The following PDE4B variants were observed in gnomAD, a reference collection of about 807,000 sequenced individuals.
The protein encoded by PDE4B is phosphodiesterase 4B.
A neutral mutation model predicts 82.2 loss-of-function variants in PDE4B; 20 were observed. The ratio of observed to expected loss-of-function variants is 0.24; its 90% CI spans 0.17 to 0.35. The LOEUF (loss-of-function observed/expected upper bound fraction) is 0.35. Among genes scored for constraint, PDE4B ranks in the 10% least tolerant of loss-of-function variants. PDE4B has a pLI of 1.00. For synonymous variants in PDE4B, 320 were observed against 318.9 expected (o/e 1.00, Z -0.04); for missense variants, 655 against 907.2 (o/e 0.72, Z 3.57).
At chr1:66,042,660 G>A (rs1654451096) in intron 3 of PDE4B, 1 of 151,750 alleles carries the variant, frequency 6.6e-6, no homozygotes, top group African/African-American at 2.4e-5. Flanking sequence ...TTAAGGCAGT[G>A]TGCTGTGGTA....
intron 3 of PDE4B, among the ~76,000 whole-genome samples, chr1:66,125,998 G>A (rs1645814887): frequency 6.6e-6 from 1 of 152,102 alleles, no homozygotes; most frequent in South Asian, 2.1e-4. Context: ...TGGAGATGGG[G>A]TTTCACCATG....
chr1:66,271,247 A>G (rs1270470534), intron 7 of PDE4B, among the ~76,000 whole-genome samples: 2 of 152,242 alleles, frequency 1.3e-5, no homozygotes, highest in Non-Finnish European at 2.9e-5. Context: ...TTAATTTGCA[A>G]ATTTAGCATA....
intron 7 of PDE4B, among the ~76,000 whole-genome samples, chr1:66,308,829 T>G (rs181179517): frequency 1.3e-5 from 2 of 152,306 alleles, no homozygotes; most frequent in Non-Finnish European, 2.9e-5. Flanking sequence ...TGTGGGCAAC[T>G]TGACAGATAC....
intron 3 of PDE4B, among the ~76,000 whole-genome samples, chr1:66,171,832 A>G (rs571741989): frequency 1.3e-5 from 2 of 152,346 alleles, no homozygotes; most frequent in African/African-American, 4.8e-5. Context: ...ACTTGTATTG[A>G]GAATGAAATA....
rs138836372 is a variant in PDE4B, at chr1:66,002,411, T to G, written c.281+83576T>G. ...GTAGCACCGGTTTAAAAAAGAAAACTATTAAAATATAGTAGAGGGCTAAAG... is the reference window on the plus strand; with the variant it reads ...GTAGCACCGGTTTAAAAAAGAAAACGATTAAAATATAGTAGAGGGCTAAAG... On this transcript the variant is annotated intron_variant, in intron 3 of 16. Transcript: ENST00000341517. 1.7e-4 allele frequency among the ~76,000 whole-genome samples: 26 copies of G among 152,234 alleles called. No individual in the cohort carries two copies. The East Asian group carries it at 4.6e-3, about 27-fold the overall frequency.
chr1:66,251,925 CA>C (rs560705397), intron 4 of PDE4B, among the ~76,000 whole-genome samples: 1 of 152,220 alleles, frequency 6.6e-6, no homozygotes, highest in South Asian at 2.1e-4. Flanking sequence ...TATAATGCAA[CA>C]TTTTAAAAAA....
At chr1:65,906,329 T>C (rs984075743) in intron 1 of PDE4B, among the ~76,000 whole-genome samples, 1 of 152,148 alleles carries the variant, frequency 6.6e-6, no homozygotes, top group African/African-American at 2.4e-5. Context: ...TTTGGCACAG[T>C]GATAACTCAG....
At chr1:65,828,942 A>G (rs1646050356) in intron 1 of PDE4B, among the ~76,000 whole-genome samples, 1 of 152,238 alleles carries the variant, frequency 6.6e-6, no homozygotes, top group South Asian at 2.1e-4. Flanking sequence ...GATGGAATAT[A>G]TAAACTCAAC....
chr1:65,911,016 A>G (rs907094734), intron 1 of PDE4B, among the ~76,000 whole-genome samples: 1 of 152,174 alleles, frequency 6.6e-6, no homozygotes, highest in African/African-American at 2.4e-5. Context: ...ACATTTGGAA[A>G]ACTGCCTTGT....
chr1:66,070,977 G>A (rs1286261235), intron 3 of PDE4B, among the ~76,000 whole-genome samples: 1 of 151,838 alleles, frequency 6.6e-6, no homozygotes, highest in African/African-American at 2.4e-5. Flanking sequence ...AGCTATGAAA[G>A]CATTATTTTA....
intron 1 of PDE4B, among the ~76,000 whole-genome samples, chr1:65,852,643 A>G (rs1410550083): frequency 6.6e-6 from 1 of 151,890 alleles, no homozygotes; most frequent in East Asian, 1.9e-4. Context: ...TATATGTTTT[A>G]CTTTCATTTT....
chr1:66,347,690 A>G (rs137969674), intron 8 of PDE4B, among the ~76,000 whole-genome samples: 49 of 152,308 alleles, frequency 3.2e-4, no homozygotes, highest in African/African-American at 1.2e-3. Flanking sequence ...ACCTCAAGGG[A>G]TGTATGAAAG....
chr1:65,924,880 T>C (rs1336986777), intron 3 of PDE4B, among the ~76,000 whole-genome samples: 1 of 152,230 alleles, frequency 6.6e-6, no homozygotes, highest in African/African-American at 2.4e-5. Context: ...GAGAGACCAA[T>C]AGAGACTGAG....
At chr1:66,370,871 G>A (rs79288985) in intron 16 of PDE4B, among the ~76,000 whole-genome samples, 21 of 151,754 alleles carry the variant, frequency 1.4e-4, no homozygotes, top group Non-Finnish European at 3.1e-4. Flanking sequence ...GAAGTAAAAG[G>A]GAGGGAAAAG....
chr1:65,866,785 C>T (rs1289017106), intron 1 of PDE4B, among the ~76,000 whole-genome samples: 2 of 152,156 alleles, frequency 1.3e-5, no homozygotes, highest in Admixed American at 6.5e-5. Context: ...TAACACATAA[C>T]TAAAAGAGTA....
At chr1:66,142,047 C>T (rs1017675812) in intron 3 of PDE4B, among the ~76,000 whole-genome samples, 2 of 151,948 alleles carry the variant, frequency 1.3e-5, no homozygotes, top group African/African-American at 2.4e-5. Flanking sequence ...TGTATTCTTA[C>T]AATAAACTAG....
At chr1:66,139,742 A>G (rs1364776051) in intron 3 of PDE4B, among the ~76,000 whole-genome samples, 1 of 147,894 alleles carries the variant, frequency 6.8e-6, no homozygotes, top group Non-Finnish European at 1.5e-5. Context: ...CCTCAAAAAA[A>G]AAAAAAAAAA....
At chr1:66,252,387 A>G (rs1233407321) in intron 4 of PDE4B, among the ~76,000 whole-genome samples, 2 of 152,194 alleles carry the variant, frequency 1.3e-5, no homozygotes, top group South Asian at 2.1e-4. Flanking sequence ...ACAATGTCCC[A>G]AAAAGCCCAT....
intron 3 of PDE4B, among the ~76,000 whole-genome samples, chr1:66,090,616 A>G (rs200980027): frequency 1.1e-5 from 1 of 89,938 alleles, no homozygotes; most frequent in South Asian, 3.7e-4. Flanking sequence ...ATATGTATAT[A>G]ATATATGTGT....
Sources: gnomAD v4.1 joint callset for allele counts (sites outside exome capture counted in the v4.1 genomes callset) on GRCh38, gnomAD v4.1.1 for gene constraint, MANE v1.5 for transcripts, NCBI Gene and HGNC (gene_info 2026-07-23, HGNC 2026-07-21) for gene names.